DPP10: variants seen among roughly 807,000 people sequenced by gnomAD.
DPP10 encodes inactive dipeptidyl peptidase 10.
DPP10 carries 33 observed loss-of-function variants against 120.9 expected under a neutral mutation model. That is an observed-to-expected ratio of 0.27 (90% CI 0.21 to 0.37). The LOEUF (loss-of-function observed/expected upper bound fraction) is 0.37, where lower values mean the gene tolerates loss of function less well. Among genes scored for constraint, DPP10 ranks in the 10% least tolerant of loss-of-function variants. The pLI is 1.00. For synonymous variants in DPP10, 337 were observed against 326.1 expected, an observed-to-expected ratio of 1.03 and a Z score of -0.36; for missense variants, 816 against 942.8, an observed-to-expected ratio of 0.87 and a Z score of 1.76.
intron 1 of DPP10, among the ~76,000 whole-genome samples, chr2:114,768,829 AATATTGAATGTTCC>A (rs1680982463): frequency 6.6e-6 from 1 of 152,166 alleles, no homozygotes; most frequent in Non-Finnish European, 1.5e-5. Context: ...TATTTGATAA[AATATTGAATGTTCC>A]ATATTTTCAT....
intron 1 of DPP10, among the ~76,000 whole-genome samples, chr2:115,104,170 CTT>C (rs35125894): frequency 0.17 from 14,071 of 82,744 alleles, 235 homozygotes; most frequent in African/African-American, 0.28. Context: ...ATACATATGT[CTT>C]TTTTTTTTTT....
At chr2:115,090,823 G>C (rs573524453) in intron 1 of DPP10, among the ~76,000 whole-genome samples, 101 of 152,022 alleles carry the variant, frequency 6.6e-4, no homozygotes, top group Non-Finnish European at 1.1e-3. Flanking sequence ...GTTATCTGGG[G>C]TCTGACATCT....
chr2:114,733,441 T>TA (rs1319262694), intron 1 of DPP10, among the ~76,000 whole-genome samples: 2 of 152,172 alleles, frequency 1.3e-5, no homozygotes, highest in Non-Finnish European at 2.9e-5. Context: ...ATTTAGAACA[T>TA]ACTATGAAAA....
chr2:114,559,311 G>A (rs1558880364), intron 1 of DPP10, among the ~76,000 whole-genome samples: 2 of 152,164 alleles, frequency 1.3e-5, no homozygotes, highest in Non-Finnish European at 2.9e-5. Flanking sequence ...CTGAGAAGAG[G>A]CAGAGGTCAG....
At chr2:114,670,547 G>A in intron 1 of DPP10, among the ~76,000 whole-genome samples, 1 of 151,920 alleles carries the variant, frequency 6.6e-6, no homozygotes, top group Non-Finnish European at 1.5e-5. Context: ...GGGGGAGTGG[G>A]GAGGGATAGC....
intron 1 of DPP10, among the ~76,000 whole-genome samples, chr2:114,855,260 CATACATTTTAGAAATCTCTTTCATCTAAT>C (rs1237737297): frequency 6.6e-6 from 1 of 152,268 alleles, no homozygotes; most frequent in East Asian, 1.9e-4. Context: ...ATAAGGCAGG[CATACATTTTAGAAATCTCTTTCATCTAAT>C]ATATATTATC....
intron 1 of DPP10, among the ~76,000 whole-genome samples, chr2:114,898,509 T>TAA (rs574072318): frequency 7.1e-6 from 1 of 140,180 alleles, no homozygotes; most frequent in Non-Finnish European, 1.5e-5. Context: ...AATAACAAAA[T>TAA]AAAAAAAAAA....
chr2:114,826,352 A>G (rs1686532862), intron 1 of DPP10, among the ~76,000 whole-genome samples: 2 of 152,150 alleles, frequency 1.3e-5, no homozygotes, highest in African/African-American at 4.8e-5. Flanking sequence ...AAAATATGTA[A>G]AAGTATGGTG....
intron 1 of DPP10, among the ~76,000 whole-genome samples, chr2:114,524,077 C>G (rs769055525): frequency 6.6e-6 from 1 of 152,168 alleles, no homozygotes; most frequent in Non-Finnish European, 1.5e-5. Context: ...ACAATTGTAC[C>G]CATTGTCTGT....
chr2:115,514,674 G>T (rs563413952), intron 4 of DPP10, among the ~76,000 whole-genome samples: 39 of 151,552 alleles, frequency 2.6e-4, no homozygotes, highest in Middle Eastern at 3.2e-3. Context: ...CCATCTTTCA[G>T]TCACACTATC....
At chr2:115,831,669 C>T (rs1305126062) in intron 21 of DPP10, among the ~76,000 whole-genome samples, 1 of 152,168 alleles carries the variant, frequency 6.6e-6, no homozygotes, top group East Asian at 1.9e-4. Context: ...TTGCAGATCC[C>T]ACCTCTGCTT....
intron 1 of DPP10, among the ~76,000 whole-genome samples, chr2:115,228,730 AGTATTCCATTGT>A (rs2057577101): frequency 6.6e-6 from 1 of 152,158 alleles, no homozygotes; most frequent in African/African-American, 2.4e-5. Context: ...ATGGCTGGAT[AGTATTCCATTGT>A]GTATAAGTAC....
intron 5 of DPP10, among the ~76,000 whole-genome samples, chr2:115,621,381 T>C (rs1455575377): frequency 1.3e-5 from 2 of 152,224 alleles, no homozygotes; most frequent in East Asian, 1.9e-4. Context: ...GTTTTACTTA[T>C]GTTTGATAAT....
Position 114,834,121 on chromosome 2 carries a change from C to T in DPP10, c.60+391283C>T, listed in dbSNP as rs984289791. On this transcript the variant is annotated intron_variant, in intron 1 of 25. Transcript: ENST00000410059. ...CCTATGTATATATAAGCCATATCTA[C>T]GCACCTATGTATATATAAGCCATAT... The T allele has an allele frequency of 7.9e-5, 12 of 151,418 alleles. No individual in the cohort carries two copies. The South Asian group carries it at 1.0e-3, about 13-fold the overall frequency. The allele number at this position is 151,418 out of a possible 1,614,324, so 9.4% of individuals were successfully genotyped here. A position where few individuals can be genotyped will look rare whatever the true frequency, so the allele number is the denominator to read the frequency against.
intron 1 of DPP10, among the ~76,000 whole-genome samples, chr2:114,701,179 T>C (rs181712166): frequency 1.3e-5 from 2 of 152,260 alleles, no homozygotes; most frequent in Admixed American, 1.3e-4. Context: ...CTAGTGAATG[T>C]AATTCTTAAG....
intron 5 of DPP10, among the ~76,000 whole-genome samples, chr2:115,643,270 A>G (rs1356881363): frequency 2.0e-5 from 3 of 152,194 alleles, no homozygotes; most frequent in Non-Finnish European, 4.4e-5. Context: ...GTTCAACACA[A>G]TGGTTCTTCT....
chr2:115,174,252 G>A (rs2053554596), intron 1 of DPP10, among the ~76,000 whole-genome samples: 1 of 152,182 alleles, frequency 6.6e-6, no homozygotes, highest in East Asian at 1.9e-4. Flanking sequence ...CTATAAGACA[G>A]TATTGATCGC....
chr2:115,093,473 A>G (rs991919521), intron 1 of DPP10, among the ~76,000 whole-genome samples: 3 of 152,160 alleles, frequency 2.0e-5, no homozygotes, highest in Non-Finnish European at 2.9e-5. Flanking sequence ...TTTTTAATCT[A>G]GATTATAAAA....
intron 3 of DPP10, among the ~76,000 whole-genome samples, chr2:115,475,842 G>A (rs1244112397): frequency 6.6e-6 from 1 of 152,166 alleles, no homozygotes. Context: ...TTTCAGACTT[G>A]CACAGAGCCT....
Sources: allele counts gnomAD v4.1 joint callset (sites outside exome capture counted in the v4.1 genomes callset), GRCh38; gene constraint gnomAD v4.1.1; transcripts MANE v1.5; gene names NCBI Gene and HGNC (gene_info 2026-07-23, HGNC 2026-07-21).